Variants in MICU2 observed in about 807,000 individuals in gnomAD.
MICU2 encodes calcium uptake protein 2, mitochondrial.
Under a neutral mutation model 60.4 loss-of-function variants are expected in MICU2, and 64 were observed. That is an observed-to-expected ratio of 1.06 (90% CI 0.87 to 1.31). MICU2 has a LOEUF of 1.31. Ranked by LOEUF, MICU2 falls within the 50% of genes most tolerant of loss-of-function variation. The pLI is 0.00. For missense variants in MICU2, 569 were observed against 531.0 expected, an observed-to-expected ratio of 1.07 and a Z score of -0.70; for synonymous variants, 201 against 175.0, an observed-to-expected ratio of 1.15 and a Z score of -1.17.
intron 1 of MICU2, 139 bp downstream of exon 1, chr13:21,603,800 T>C (rs1347711634): frequency 1.1e-6 from 1 of 949,280 alleles, no homozygotes; most frequent in East Asian, 2.9e-5. Flanking sequence ...GTCCCACCAG[T>C]CGCAGGGCGC....
intron 1 of MICU2, among the ~76,000 whole-genome samples, chr13:21,588,001 G>C (rs1888495251): frequency 6.6e-6 from 1 of 152,076 alleles, no homozygotes; most frequent in African/African-American, 2.4e-5. Context: ...ATTTTATTAA[G>C]TAAATAATAT....
chr13:21,527,921 T>C (rs1886895673), intron 4 of MICU2, among the ~76,000 whole-genome samples: 1 of 152,186 alleles, frequency 6.6e-6, no homozygotes. Context: ...ACAATGCTTA[T>C]CTAGAAATAT....
At chr13:21,538,170 C>T (rs1412362063) in intron 4 of MICU2, among the ~76,000 whole-genome samples, 1 of 152,084 alleles carries the variant, frequency 6.6e-6, no homozygotes, top group Non-Finnish European at 1.5e-5. Context: ...CATATCCGCC[C>T]TCACGTCTCA....
Position 21,500,426 on chromosome 13 carries a change from T to G in MICU2, c.933+2500A>C, listed in dbSNP as rs9634369. ...TTCTTGATACCTACTGATTTTTTTT[T>G]TTTTTTTTTTTTTTTTTTTTTTGAG... is the stretch of plus-strand genomic sequence containing the variant. On this transcript the variant is annotated intron_variant, in intron 9 of 11. Transcript: ENST00000382374. 6.5e-3 allele frequency among the ~76,000 whole-genome samples: 705 copies of G among 107,722 alleles called. 4 individuals are homozygous for G. The highest frequency in any genetic ancestry group is 0.049 in the East Asian group (74 of 1,524). The allele number at this position is 107,722 out of a possible 152,430, so 70.7% of individuals were successfully genotyped here.
chr13:21,574,970 C>T (rs569884128), intron 1 of MICU2, among the ~76,000 whole-genome samples: 149 of 152,308 alleles, frequency 9.8e-4, no homozygotes, highest in South Asian at 3.7e-3. Flanking sequence ...ACAATACATT[C>T]TACAAAATGA....
rs549985309 is a variant in MICU2, at chr13:21,589,937, C to T, written c.210+14002G>A. On this transcript the variant is annotated intron_variant, in intron 1 of 11. Coordinates refer to ENST00000382374, the MANE Select transcript of MICU2 (RefSeq NM_152726.3). ...TCCAAGTGTGCGCTCACCATTGTTCCGTCTGTAAGGGCGCACCCTTCTATA... is the reference window on the plus strand; with the variant it reads ...TCCAAGTGTGCGCTCACCATTGTTCTGTCTGTAAGGGCGCACCCTTCTATA... Among the ~76,000 whole-genome samples the T allele has an allele frequency of 6.6e-5, 10 of 152,270 alleles. No individual in the cohort carries two copies. In the East Asian group the frequency reaches 7.7e-4, roughly 12 times the overall value.
intron 1 of MICU2, among the ~76,000 whole-genome samples, chr13:21,573,879 GGAGA>G (rs1350630072): frequency 6.6e-6 from 1 of 152,168 alleles, no homozygotes; most frequent in African/African-American, 2.4e-5. Context: ...CTGCAAAATT[GGAGA>G]GAATTTTTTG....
At chr13:21,547,983 TC>T (rs1887455254) in intron 2 of MICU2, among the ~76,000 whole-genome samples, 1 of 152,100 alleles carries the variant, frequency 6.6e-6, no homozygotes, top group Non-Finnish European at 1.5e-5. Flanking sequence ...GATAAGATCA[TC>T]AAGGAAGAAG....
chr13:21,552,242 G>A (rs1173757209), intron 2 of MICU2, among the ~76,000 whole-genome samples: 1 of 152,176 alleles, frequency 6.6e-6, no homozygotes, highest in African/African-American at 2.4e-5. Flanking sequence ...CTTTTGAGAA[G>A]TGTCTGTTCA....
chr13:21,537,465 CTTTCT>C (rs1213672771), intron 4 of MICU2, among the ~76,000 whole-genome samples: 20 of 87,610 alleles, frequency 2.3e-4, no homozygotes, highest in African/African-American at 4.2e-4. Context: ...CATTTTCTTT[CTTTCT>C]TTTTTTTTTT....
intron 2 of MICU2, among the ~76,000 whole-genome samples, chr13:21,564,515 A>G (rs1887927570): frequency 6.6e-6 from 1 of 152,154 alleles, no homozygotes; most frequent in South Asian, 2.1e-4. Flanking sequence ...GTACAGTCCT[A>G]TGATCAGCTG....
At position 21,514,787 on chromosome 13, in the gene MICU2, G is replaced by A. The variant is rs933919362; in HGVS notation, c.598-369C>T. 5.3e-5 allele frequency among the ~76,000 whole-genome samples: 8 copies of A among 151,032 alleles called. No individual in the cohort carries two copies. The East Asian group carries it at 5.9e-4, about 11-fold the overall frequency. On this transcript the variant is annotated intron_variant, in intron 6 of 11. Coordinates refer to ENST00000382374, the MANE Select transcript of MICU2 (RefSeq NM_152726.3). ...GATCTCCTGACTTTGTGATCCACCC[G>A]CCTCGGCCTCCCAAAGTGCTGGGAT...
At chr13:21,593,219 T>C (rs1033965557) in intron 1 of MICU2, among the ~76,000 whole-genome samples, 5 of 151,474 alleles carry the variant, frequency 3.3e-5, no homozygotes, top group South Asian at 2.1e-4. Context: ...TTTACAACGA[T>C]AGGCAAGCAG....
chr13:21,569,929 T>C (rs898353178), intron 1 of MICU2, among the ~76,000 whole-genome samples: 2 of 152,036 alleles, frequency 1.3e-5, no homozygotes, highest in African/African-American at 2.4e-5. Flanking sequence ...ACCACGATCC[T>C]ATACTAGCTC....
chr13:21,593,630 T>C (rs959480458), intron 1 of MICU2, among the ~76,000 whole-genome samples: 6 of 128,634 alleles, frequency 4.7e-5, no homozygotes, highest in African/African-American at 1.7e-4. Flanking sequence ...GACTTCAAAC[T>C]ATGCTACAAG....
intron 6 of MICU2, among the ~76,000 whole-genome samples, chr13:21,517,909 T>G (rs2138160284): frequency 6.6e-6 from 1 of 152,298 alleles, no homozygotes; most frequent in South Asian, 2.1e-4. Flanking sequence ...TCCTCTTCAA[T>G]GCTGTTTTTT....
chr13:21,549,114 A>G (rs1265999130), intron 2 of MICU2, among the ~76,000 whole-genome samples: 1 of 151,484 alleles, frequency 6.6e-6, no homozygotes, highest in Admixed American at 6.6e-5. Context: ...CATTTTTAGT[A>G]GAGACGGGGT....
intron 1 of MICU2, among the ~76,000 whole-genome samples, chr13:21,577,138 A>T (rs953747636): frequency 1.3e-5 from 2 of 152,236 alleles, no homozygotes; most frequent in Admixed American, 1.3e-4. Context: ...CTTCAATGTC[A>T]ATCTCAGTTT....
chr13:21,550,141 C>G (rs1887518185), intron 2 of MICU2, among the ~76,000 whole-genome samples: 2 of 152,178 alleles, frequency 1.3e-5, no homozygotes. Context: ...AGACTTAAGG[C>G]AAAATCCACT....
Sources: allele counts gnomAD v4.1 joint callset (sites outside exome capture counted in the v4.1 genomes callset), GRCh38; gene constraint gnomAD v4.1.1; transcripts MANE v1.5; gene names NCBI Gene and HGNC (gene_info 2026-07-23, HGNC 2026-07-21).